Variants in UTRN observed in about 807,000 individuals in gnomAD.
UTRN encodes the protein utrophin.
A neutral mutation model predicts 463.9 loss-of-function variants in UTRN; 283 were observed. That is an observed-to-expected ratio of 0.61 (90% CI 0.55 to 0.67). The LOEUF is 0.67. Ranked by LOEUF, UTRN falls within the 30% of genes least tolerant of loss-of-function variation. UTRN has a pLI of 0.00. For missense variants in UTRN, 3,922 were observed against 4,084.3 expected, an observed-to-expected ratio of 0.96 and a Z score of 1.08; for synonymous variants, 1,442 against 1,431.5, an observed-to-expected ratio of 1.01 and a Z score of -0.17.
At chr6:144,649,610 G>C (rs892762692) in intron 51 of UTRN, among the ~76,000 whole-genome samples, 1 of 152,058 alleles carries the variant, frequency 6.6e-6, no homozygotes, top group Non-Finnish European at 1.5e-5. Flanking sequence ...GGAATGATAC[G>C]ACAGTATAAA....
intron 2 of UTRN, among the ~76,000 whole-genome samples, chr6:144,393,043 C>G (rs530626317): frequency 4.6e-5 from 6 of 131,356 alleles, no homozygotes; most frequent in South Asian, 2.7e-4. Context: ...ATCCATCCAT[C>G]CATCCATTCA....
intron 58 of UTRN, among the ~76,000 whole-genome samples, chr6:144,770,959 T>G (rs904300282): frequency 6.6e-6 from 1 of 152,142 alleles, no homozygotes; most frequent in African/African-American, 2.4e-5. Context: ...CTGTAGATTG[T>G]GGGATGATGT....
At chr6:144,774,444 G>C in intron 60 of UTRN, 80 bp downstream of exon 60, 3 of 1,301,468 alleles carry the variant, frequency 2.3e-6, no homozygotes, top group Non-Finnish European at 3.2e-6. Context: ...TAAATGAAGA[G>C]GATGGAGTGT....
At chr6:144,733,801 A>G (rs1184978217) in intron 54 of UTRN, among the ~76,000 whole-genome samples, 1 of 152,216 alleles carries the variant, frequency 6.6e-6, no homozygotes, top group African/African-American at 2.4e-5. Flanking sequence ...ACTGAGGTCC[A>G]TCGAGGAAAA....
chr6:144,310,664 A>G (rs1250351112), intron 2 of UTRN, among the ~76,000 whole-genome samples: 4 of 150,714 alleles, frequency 2.7e-5, no homozygotes, highest in East Asian at 3.9e-4. Context: ...TGTAATCCCA[A>G]CTACTGGGGA....
At chr6:144,632,454 C>T (rs1776627475) in intron 51 of UTRN, among the ~76,000 whole-genome samples, 1 of 151,652 alleles carries the variant, frequency 6.6e-6, no homozygotes, top group South Asian at 2.1e-4. Flanking sequence ...TTTTTTTCTA[C>T]TTTTTTTTCC....
intron 4 of UTRN, among the ~76,000 whole-genome samples, chr6:144,423,273 G>A (rs1785005357): frequency 6.6e-6 from 1 of 152,150 alleles, no homozygotes; most frequent in Non-Finnish European, 1.5e-5. Context: ...TTGGGGGTGG[G>A]GTTGGACAGA....
intron 18 of UTRN, among the ~76,000 whole-genome samples, chr6:144,453,108 T>C (rs1455542242): frequency 1.3e-5 from 2 of 152,006 alleles, no homozygotes; most frequent in African/African-American, 4.8e-5. Context: ...CCTCAAAATA[T>C]TTCTATCCAT....
chr6:144,628,764 A>G (rs142248129), intron 51 of UTRN, among the ~76,000 whole-genome samples: 54 of 152,266 alleles, frequency 3.5e-4, no homozygotes, highest in Non-Finnish European at 7.2e-4. Context: ...CAGATTCCTC[A>G]GGGGGCTCCC....
At chr6:144,818,612 T>C (rs187277503) in intron 65 of UTRN, among the ~76,000 whole-genome samples, 178 of 152,368 alleles carry the variant, frequency 1.2e-3, no homozygotes, top group Middle Eastern at 3.4e-3. Context: ...ATATTAACAG[T>C]GTACTAAGAA....
intron 2 of UTRN, among the ~76,000 whole-genome samples, chr6:144,384,340 G>A (rs1243071389): frequency 1.3e-5 from 2 of 152,076 alleles, no homozygotes; most frequent in Admixed American, 1.3e-4. Flanking sequence ...AGCGGCATTC[G>A]ATTCTCATAG....
intron 2 of UTRN, among the ~76,000 whole-genome samples, chr6:144,364,216 C>T (rs151027325): frequency 4.0e-4 from 61 of 152,310 alleles, no homozygotes; most frequent in Admixed American, 1.4e-3. Flanking sequence ...TTCGGTGTAA[C>T]TGTGATGGAA....
At chr6:144,749,167 C>G (rs186322038) in intron 55 of UTRN, among the ~76,000 whole-genome samples, 91 of 152,102 alleles carry the variant, frequency 6.0e-4, no homozygotes, top group African/African-American at 2.1e-3. Context: ...TTCCCATATT[C>G]TAGAACATCT....
At chr6:144,646,749 A>T (rs1372773947) in intron 51 of UTRN, among the ~76,000 whole-genome samples, 3 of 152,196 alleles carry the variant, frequency 2.0e-5, no homozygotes, top group Admixed American at 6.5e-5. Context: ...TACATTACAA[A>T]AGAATTTTTC....
At chr6:144,540,932 C>T (rs546742725) in intron 45 of UTRN, among the ~76,000 whole-genome samples, 5 of 152,266 alleles carry the variant, frequency 3.3e-5, no homozygotes, top group African/African-American at 7.2e-5. Context: ...ACAATTCTTT[C>T]GACTTTTCTT....
chr6:144,391,781 A>G (rs528497251), intron 2 of UTRN, among the ~76,000 whole-genome samples: 2 of 152,162 alleles, frequency 1.3e-5, no homozygotes, highest in Non-Finnish European at 2.9e-5. Flanking sequence ...AGCTGGGACT[A>G]TAGGCATGCA....
intron 32 of UTRN, among the ~76,000 whole-genome samples, chr6:144,492,648 T>C (rs1474282907): frequency 6.6e-6 from 1 of 152,216 alleles, no homozygotes; most frequent in Non-Finnish European, 1.5e-5. Context: ...CAGTGTATGG[T>C]GTTCCCTTTT....
Position 144,757,898 on chromosome 6 carries a change from C to T in UTRN, c.8435-31C>T, listed in dbSNP as rs199685080. 7.9e-5 allele frequency: 125 copies of T among 1,591,732 alleles called. No individual in the cohort carries two copies. The Admixed American group carries it at 1.8e-3, about 23-fold the overall frequency. On this transcript the variant is annotated intron_variant, in intron 57 of 74. Transcript: ENST00000367545. ...AGGTGTAAGGCTTTTTGGTTTCCAA[C>T]GTTTCCAATAATCTCCCTTTGTTTC... is the stretch of plus-strand genomic sequence containing the variant.
At chr6:144,710,266 T>C (rs1418750263) in intron 53 of UTRN, among the ~76,000 whole-genome samples, 1 of 152,290 alleles carries the variant, frequency 6.6e-6, no homozygotes, top group South Asian at 2.1e-4. Context: ...AAACATGGCA[T>C]TGTGGGCTCC....
Sources: gnomAD v4.1 joint callset for allele counts (sites outside exome capture counted in the v4.1 genomes callset) on GRCh38, gnomAD v4.1.1 for gene constraint, MANE v1.5 for transcripts, NCBI Gene and HGNC (gene_info 2026-07-23, HGNC 2026-07-21) for gene names.